TTC27: variants seen among roughly 807,000 people sequenced by gnomAD.
The protein encoded by TTC27 is tetratricopeptide repeat protein 27.
TTC27 carries 79 observed loss-of-function variants against 115.9 expected under a neutral mutation model. The observed-to-expected ratio is 0.68, with a 90% confidence interval of 0.57 to 0.82. The LOEUF (loss-of-function observed/expected upper bound fraction) is 0.82. Ranked by LOEUF, TTC27 falls within the 40% of genes least tolerant of loss-of-function variation. The pLI, the probability that TTC27 is intolerant of heterozygous loss-of-function variation, is 0.00. For missense variants in TTC27, 1,054 were observed against 993.1 expected, an observed-to-expected ratio of 1.06 and a Z score of -0.82; for synonymous variants, 401 against 356.0, an observed-to-expected ratio of 1.13 and a Z score of -1.42.
rs76971906 is a variant in TTC27 at position 32,730,496 on chromosome 2, C to T, written c.1234-3332C>T. Among the ~76,000 whole-genome samples the T allele has an allele frequency of 3.9e-3, 596 of 151,744 alleles. 1 individual carries two copies. Among genetic ancestry groups the T allele is most frequent in the Middle Eastern group, 0.01 (3 of 294 alleles). Reference sequence around the variant, plus strand: ...CTAGAAATAATCCTGGTCTGAAAAACCTAGACATGCACTATAACAATGTCC... The same window carrying T: ...CTAGAAATAATCCTGGTCTGAAAAATCTAGACATGCACTATAACAATGTCC... On this transcript the variant is annotated intron_variant, in intron 10 of 19. Transcript: ENST00000317907.
At chr2:32,727,769 G>A (rs1457377926) in intron 10 of TTC27, among the ~76,000 whole-genome samples, 1 of 151,794 alleles carries the variant, frequency 6.6e-6, no homozygotes, top group Non-Finnish European at 1.5e-5. Context: ...AAAGGTAGTT[G>A]TTTTTTATAA....
intron 12 of TTC27, among the ~76,000 whole-genome samples, chr2:32,753,376 A>G (rs1334387468): frequency 6.6e-6 from 1 of 151,810 alleles, no homozygotes; most frequent in Non-Finnish European, 1.5e-5. Flanking sequence ...CTGAAAGCCA[A>G]TAGAGAAAAT....
At chr2:32,713,087 C>T (rs1667638331) in intron 10 of TTC27, among the ~76,000 whole-genome samples, 1 of 152,156 alleles carries the variant, frequency 6.6e-6, no homozygotes, top group African/African-American at 2.4e-5. Flanking sequence ...CTTGCTCTCA[C>T]TCTCCCTCTT....
intron 13 of TTC27, among the ~76,000 whole-genome samples, chr2:32,767,242 ATTTTAATTGAATAAAT>A (rs1342920340): frequency 6.6e-6 from 1 of 152,186 alleles, no homozygotes; most frequent in Non-Finnish European, 1.5e-5. Flanking sequence ...TGAGTTTCTG[ATTTTAATTGAATAAAT>A]TTATATCCTT....
In TTC27 at chr2:32,657,825, T is replaced by TA. The variant is rs77974313; in HGVS notation, c.641-6468dup. 6.7e-3 allele frequency among the ~76,000 whole-genome samples: 1,016 copies of TA among 151,540 alleles called. 19 individuals are homozygous for TA. Among genetic ancestry groups the TA allele is most frequent in the African/African-American group, 0.023 (967 of 41,368 alleles). On this transcript the variant is annotated intron_variant, in intron 5 of 19. Transcript: ENST00000317907. ...TTTCTTTTCTTTTTAAAATGTAAAT[T>TA]AAAAAAAAAATTTTTTTTTGAGATG...
intron 12 of TTC27, among the ~76,000 whole-genome samples, chr2:32,750,752 A>G (rs74681666): frequency 0.017 from 2,657 of 152,316 alleles, 65 homozygotes; most frequent in African/African-American, 0.061. Context: ...ACAAACCTTG[A>G]TTTGTTTAAT....
At chr2:32,749,080 G>T (rs1211904667) in intron 12 of TTC27, among the ~76,000 whole-genome samples, 1 of 152,014 alleles carries the variant, frequency 6.6e-6, no homozygotes, top group African/African-American at 2.4e-5. Context: ...GCATCCTCAG[G>T]GATAGTTTCT....
chr2:32,762,655 A>G (rs113913075), intron 13 of TTC27, among the ~76,000 whole-genome samples: 18,471 of 151,104 alleles, frequency 0.12, 1,310 homozygotes, highest in African/African-American at 0.2. Flanking sequence ...GTTTTTTGAG[A>G]TGGAGTCTCG....
intron 7 of TTC27, among the ~76,000 whole-genome samples, chr2:32,669,835 G>A (rs1460000192): frequency 7.3e-6 from 1 of 137,010 alleles, no homozygotes; most frequent in Non-Finnish European, 1.5e-5. Context: ...GCAGTGAGCC[G>A]AGATCATGCT....
chr2:32,673,741 T>A (rs534458477), intron 8 of TTC27, among the ~76,000 whole-genome samples: 1 of 152,294 alleles, frequency 6.6e-6, no homozygotes, highest in East Asian at 1.9e-4. Context: ...ATGCCTGTAA[T>A]GCCAGCACTT....
chr2:32,773,130 T>TA (rs1426520924), intron 13 of TTC27, among the ~76,000 whole-genome samples: 1 of 152,204 alleles, frequency 6.6e-6, no homozygotes, highest in Non-Finnish European at 1.5e-5. Flanking sequence ...ACATTCAAAA[T>TA]AAACAGTTGG....
At chr2:32,813,126 A>T (rs988371809) in intron 18 of TTC27, among the ~76,000 whole-genome samples, 1 of 152,234 alleles carries the variant, frequency 6.6e-6, no homozygotes, top group Non-Finnish European at 1.5e-5. Context: ...TGTTGGGTAA[A>T]TATAGTCCAA....
chr2:32,681,745 T>A (rs1559203564), intron 9 of TTC27, among the ~76,000 whole-genome samples: 1 of 151,646 alleles, frequency 6.6e-6, no homozygotes, highest in Non-Finnish European at 1.5e-5. Flanking sequence ...AGCTATGATG[T>A]TTGGTAGGAC....
intron 15 of TTC27, among the ~76,000 whole-genome samples, chr2:32,783,242 T>G (rs1454272868): frequency 6.6e-6 from 1 of 152,172 alleles, no homozygotes; most frequent in Non-Finnish European, 1.5e-5. Context: ...TTTAGTCTTG[T>G]GAGGATCAAA....
chr2:32,637,519 G>T (rs923900638), intron 3 of TTC27, among the ~76,000 whole-genome samples: 1 of 151,980 alleles, frequency 6.6e-6, no homozygotes, highest in Non-Finnish European at 1.5e-5. Context: ...TTTTAATAGA[G>T]ACGGGGTTTC....
At chr2:32,643,772 C>T (rs899227719) in intron 4 of TTC27, among the ~76,000 whole-genome samples, 11 of 152,036 alleles carry the variant, frequency 7.2e-5, no homozygotes, top group African/African-American at 2.2e-4. Context: ...CAGTGGCTCT[C>T]GCCTGTAATA....
intron 16 of TTC27, among the ~76,000 whole-genome samples, chr2:32,809,090 T>A (rs958518704): frequency 6.6e-6 from 1 of 152,212 alleles, no homozygotes; most frequent in Non-Finnish European, 1.5e-5. Context: ...TTTTCTGTCT[T>A]CTTTTATGAC....
chr2:32,711,126 AAAAAAAAAAAAAAG>A (rs894628315), intron 10 of TTC27, among the ~76,000 whole-genome samples: 5 of 146,774 alleles, frequency 3.4e-5, no homozygotes, highest in African/African-American at 1.2e-4. Flanking sequence ...CAAAAAAAAA[AAAAAAAAAAAAAAG>A]AAGAAGAAGA....
At chr2:32,685,015 C>CTTTTTT (rs70938361) in intron 9 of TTC27, among the ~76,000 whole-genome samples, 3 of 116,310 alleles carry the variant, frequency 2.6e-5, no homozygotes, top group African/African-American at 3.1e-5. Flanking sequence ...TTGCCTTTTC[C>CTTTTTT]TTTTTTTTTT....
Sources: allele counts gnomAD v4.1 joint callset (sites outside exome capture counted in the v4.1 genomes callset), GRCh38; gene constraint gnomAD v4.1.1; transcripts MANE v1.5; gene names NCBI Gene and HGNC (gene_info 2026-07-23, HGNC 2026-07-21).